SCHIP1: variants seen among roughly 807,000 people sequenced by gnomAD.
SCHIP1 encodes the protein schwannomin-interacting protein 1.
Under a neutral mutation model 29.7 loss-of-function variants are expected in SCHIP1, and 8 were observed. The ratio of observed to expected loss-of-function variants is 0.27; its 90% CI spans 0.16 to 0.49. The LOEUF is 0.49. Ranked by LOEUF, SCHIP1 falls within the 20% of genes least tolerant of loss-of-function variation. The pLI is 0.99. For synonymous variants in SCHIP1, 76 were observed against 94.9 expected, an observed-to-expected ratio of 0.80 and a Z score of 1.16; for missense variants, 193 against 294.6, an observed-to-expected ratio of 0.66 and a Z score of 2.52.
the SCHIP1 span, among the ~76,000 whole-genome samples, chr3:159,669,929 C>A: frequency 6.6e-6 from 1 of 152,266 alleles, no homozygotes; most frequent in South Asian, 2.1e-4. Context: ...CTGAGCCTGT[C>A]GTCAGGGAGC....
the SCHIP1 span, among the ~76,000 whole-genome samples, chr3:159,380,060 GA>G: frequency 1.3e-5 from 2 of 152,136 alleles, no homozygotes; most frequent in Admixed American, 6.5e-5. Context: ...CAATGTTAGA[GA>G]AAATACAGCA....
At chr3:159,498,826 T>C in the SCHIP1 span, among the ~76,000 whole-genome samples, 3 of 152,234 alleles carry the variant, frequency 2.0e-5, no homozygotes, top group Non-Finnish European at 4.4e-5. Flanking sequence ...TTAGATGTCA[T>C]TGATTGCAAG....
the SCHIP1 span, among the ~76,000 whole-genome samples, chr3:159,520,373 A>T: frequency 6.6e-6 from 1 of 152,184 alleles, no homozygotes; most frequent in Non-Finnish European, 1.5e-5. Context: ...GGCCTAGCGT[A>T]TCCATAAAGC....
chr3:159,484,462 A>G, the SCHIP1 span, among the ~76,000 whole-genome samples: 21 of 152,312 alleles, frequency 1.4e-4, 2 homozygotes, highest in South Asian at 4.1e-3. Flanking sequence ...AAAAATCTCC[A>G]TGGTATGAAT....
At chr3:159,410,097 T>C in the SCHIP1 span, among the ~76,000 whole-genome samples, 1 of 152,274 alleles carries the variant, frequency 6.6e-6, no homozygotes, top group South Asian at 2.1e-4. Flanking sequence ...GCTATATCCC[T>C]ATCTCTCACC....
chr3:159,677,282 A>C, the SCHIP1 span, among the ~76,000 whole-genome samples: 2 of 152,154 alleles, frequency 1.3e-5, no homozygotes, highest in African/African-American at 2.4e-5. Context: ...CTGTGCCACT[A>C]GTATGCACAC....
At chr3:159,420,647 A>G in the SCHIP1 span, among the ~76,000 whole-genome samples, 1 of 152,202 alleles carries the variant, frequency 6.6e-6, no homozygotes, top group Admixed American at 6.5e-5. Context: ...GTCTCAAAAG[A>G]CAATTTGTCC....
At chr3:159,815,498 A>G in the SCHIP1 span, among the ~76,000 whole-genome samples, 1 of 152,172 alleles carries the variant, frequency 6.6e-6, no homozygotes, top group Admixed American at 6.5e-5. Context: ...GTTGAAAAGG[A>G]CGCCGAAGGT....
the SCHIP1 span, among the ~76,000 whole-genome samples, chr3:159,736,633 C>G: frequency 6.6e-6 from 1 of 152,196 alleles, no homozygotes; most frequent in East Asian, 1.9e-4. Flanking sequence ...GCTACCTACC[C>G]TTCCAAGGGA....
chr3:159,600,641 T>A, the SCHIP1 span, among the ~76,000 whole-genome samples: 3 of 152,214 alleles, frequency 2.0e-5, no homozygotes, highest in Non-Finnish European at 4.4e-5. Context: ...TATTTAAAAA[T>A]CAATATTCTG....
At chr3:159,659,499 A>G in the SCHIP1 span, among the ~76,000 whole-genome samples, 5 of 152,164 alleles carry the variant, frequency 3.3e-5, no homozygotes, top group Admixed American at 2.6e-4. Context: ...ATTTACCTGC[A>G]TGGCACTGCT....
chr3:159,596,627 G>T, the SCHIP1 span, among the ~76,000 whole-genome samples: 3 of 152,214 alleles, frequency 2.0e-5, no homozygotes, highest in African/African-American at 4.8e-5. Context: ...CCATAAAAAA[G>T]GATGAGTTCA....
At chr3:159,644,191 T>C in the SCHIP1 span, among the ~76,000 whole-genome samples, 2 of 152,160 alleles carry the variant, frequency 1.3e-5, no homozygotes, top group Admixed American at 1.3e-4. Context: ...GCAGCAATAC[T>C]GCATTGCTGA....
the SCHIP1 span, among the ~76,000 whole-genome samples, chr3:159,805,231 A>G: frequency 1.3e-5 from 2 of 152,182 alleles, no homozygotes; most frequent in South Asian, 2.1e-4. Context: ...TACAGTGCCT[A>G]TTAGACTCCT....
chr3:159,755,234 C>CA, the SCHIP1 span, among the ~76,000 whole-genome samples: 40 of 150,516 alleles, frequency 2.7e-4, no homozygotes, highest in Admixed American at 1.5e-3. Flanking sequence ...GACTCCCTCT[C>CA]AAAAAAAAAG....
At chr3:159,512,296 T>C in the SCHIP1 span, among the ~76,000 whole-genome samples, 2 of 152,216 alleles carry the variant, frequency 1.3e-5, no homozygotes, top group Non-Finnish European at 2.9e-5. Flanking sequence ...CTCAATGAGA[T>C]AGCACTTTAT....
chr3:159,461,965 T>G, the SCHIP1 span, among the ~76,000 whole-genome samples: 2 of 152,106 alleles, frequency 1.3e-5, no homozygotes, highest in African/African-American at 4.8e-5. Context: ...ATCCTAGCAC[T>G]TTGAAAGGCC....
intron 1 of SCHIP1, chr3:159,845,557 T>C (rs1242075501): frequency 6.6e-6 from 1 of 152,116 alleles, no homozygotes; most frequent in Non-Finnish European, 1.5e-5. Context: ...ATTTTCTGTA[T>C]TTTTAGTAGA....
At chr3:159,582,112 T>G in the SCHIP1 span, among the ~76,000 whole-genome samples, 2 of 152,152 alleles carry the variant, frequency 1.3e-5, no homozygotes, top group African/African-American at 4.8e-5. Context: ...ATTCAGTCTA[T>G]GATCTAGATA....
Sources: allele counts gnomAD v4.1 joint callset (sites outside exome capture counted in the v4.1 genomes callset), GRCh38; gene constraint gnomAD v4.1.1; transcripts MANE v1.5; gene names NCBI Gene and HGNC (gene_info 2026-07-23, HGNC 2026-07-21).